Variants in CDH9 observed in about 807,000 individuals in gnomAD.
CDH9 encodes the protein cadherin-9.
In CDH9, 28 loss-of-function variants were observed where a neutral mutation model predicts 70.9. The observed-to-expected ratio is 0.40, with a 90% CI of 0.29 to 0.54. The LOEUF is 0.54. CDH9 is among the 20% of genes least tolerant of loss of function. The pLI, the probability that CDH9 is intolerant of heterozygous loss-of-function variation, is 0.59. For synonymous variants in CDH9, 409 were observed against 343.1 expected, an observed-to-expected ratio of 1.19 and a Z score of -2.12; for missense variants, 874 against 984.4, an observed-to-expected ratio of 0.89 and a Z score of 1.50.
At chr5:27,021,290 G>T (rs569157097) in intron 1 of CDH9, among the ~76,000 whole-genome samples, 1 of 151,756 alleles carries the variant, frequency 6.6e-6, no homozygotes, top group African/African-American at 2.4e-5. Context: ...GTTTGACGTT[G>T]ACTTATTAAT....
At chr5:26,951,709 TTAAG>T (rs1323162112) in intron 2 of CDH9, among the ~76,000 whole-genome samples, 3 of 152,146 alleles carry the variant, frequency 2.0e-5, no homozygotes, top group African/African-American at 7.2e-5. Flanking sequence ...CTTGAAATCA[TTAAG>T]TAAGTTTTAT....
intron 11 of CDH9, among the ~76,000 whole-genome samples, chr5:26,885,338 T>C (rs927868639): frequency 1.3e-5 from 2 of 152,148 alleles, no homozygotes. Flanking sequence ...ACAGTGAACA[T>C]AGTCAAAAAT....
intron 1 of CDH9, among the ~76,000 whole-genome samples, chr5:27,032,819 G>A (rs1187102657): frequency 1.3e-5 from 2 of 150,160 alleles, no homozygotes; most frequent in Admixed American, 6.7e-5. Flanking sequence ...TGACTCTCGG[G>A]GAAAATAGTC....
At chr5:26,889,023 A>T (rs1226859415) in intron 9 of CDH9, among the ~76,000 whole-genome samples, 1 of 152,166 alleles carries the variant, frequency 6.6e-6, no homozygotes, top group African/African-American at 2.4e-5. Context: ...TTGAATTTGG[A>T]GGAGGGCTAC....
At chr5:26,926,928 C>CAAAAAAAAAAAAAAAAAAAAAAA (rs750868451) in intron 2 of CDH9, among the ~76,000 whole-genome samples, 1 of 128,254 alleles carries the variant, frequency 7.8e-6, no homozygotes, top group Non-Finnish European at 1.7e-5. Context: ...CCCCCCCCCG[C>CAAAAAAAAAAAAAAAAAAAAAAA]AAAAAAAAAA....
chr5:26,987,257 ATTGT>A (rs540964535), intron 2 of CDH9, among the ~76,000 whole-genome samples: 6 of 151,944 alleles, frequency 3.9e-5, no homozygotes, highest in Non-Finnish European at 8.8e-5. Flanking sequence ...AGTATTTAAA[ATTGT>A]TCGTTTTGTT....
chr5:27,035,711 GGTGTGT>G (rs1561048690), intron 1 of CDH9, among the ~76,000 whole-genome samples: 1 of 138,856 alleles, frequency 7.2e-6, no homozygotes, highest in African/African-American at 2.7e-5. Flanking sequence ...TGTGTGTGTG[GGTGTGT>G]GTGGGTGTGT....
chr5:27,036,231 G>T (rs908083307), intron 1 of CDH9, among the ~76,000 whole-genome samples: 5 of 151,924 alleles, frequency 3.3e-5, no homozygotes, highest in African/African-American at 1.2e-4. Context: ...CTTACTTGGT[G>T]AATGTACCAT....
intron 2 of CDH9, among the ~76,000 whole-genome samples, chr5:26,926,665 G>A (rs1741345588): frequency 6.6e-6 from 1 of 152,012 alleles, no homozygotes; most frequent in Non-Finnish European, 1.5e-5. Flanking sequence ...GGACAAAGCT[G>A]GAGGCATCAT....
rs1741053267 is a variant in CDH9, at chr5:26,911,491, A to C, written c.523+4139T>G. On this transcript the variant is annotated intron_variant, in intron 3 of 11. Coordinates refer to ENST00000231021, the MANE Select transcript of CDH9 (RefSeq NM_016279.4). ...AAAGGGATTCCTGGTTGGGGGTCAA[A>C]GTGTTAGGAAGAGGACTGGATAGGT... 2.0e-5 allele frequency among the ~76,000 whole-genome samples: 3 copies of C among 152,236 alleles called. No homozygotes were observed. In the South Asian group the frequency reaches 6.2e-4, roughly 32 times the overall value.
intron 2 of CDH9, among the ~76,000 whole-genome samples, chr5:26,953,124 C>A (rs1017674445): frequency 5.7e-4 from 86 of 152,118 alleles, no homozygotes; most frequent in African/African-American, 2.0e-3. Flanking sequence ...ACATTTTTCT[C>A]TATCTTGTAT....
intron 7 of CDH9, among the ~76,000 whole-genome samples, chr5:26,901,390 G>T (rs553195811): frequency 1.3e-5 from 2 of 151,706 alleles, no homozygotes; most frequent in Admixed American, 6.6e-5. Context: ...AATTACAAAG[G>T]TTAACATGTT....
intron 2 of CDH9, among the ~76,000 whole-genome samples, chr5:26,936,859 A>ACACG (rs1396764507): frequency 8.5e-6 from 1 of 117,160 alleles, no homozygotes; most frequent in African/African-American, 2.8e-5. Context: ...TCACACACAC[A>ACACG]CACGCACACA....
intron 1 of CDH9, among the ~76,000 whole-genome samples, chr5:27,037,086 G>A (rs897867639): frequency 7.2e-5 from 11 of 151,996 alleles, no homozygotes; most frequent in African/African-American, 2.7e-4. Context: ...TCTGCAGAAT[G>A]TAGGAGGAGG....
Position 26,915,699 on chromosome 5 carries a change from T to G in CDH9, c.454A>C (p.Ile152Leu). 2 of 1,610,994 alleles carry G rather than the reference T, an allele frequency of 1.2e-6. No homozygotes were observed. Among genetic ancestry groups the G allele is most frequent in the Non-Finnish European group, 8.5e-7 (1 of 1,177,192 alleles). The change falls in exon 3 of 12, where the codon ATC (isoleucine) becomes CTC (leucine). Residue 152 changes from isoleucine to leucine, a missense_variant. Transcript: ENST00000231021. ...ESEFIIKIHD[I>L]NDNEPKFTKD... ...GTAAATTTTGGCTCATTGTCATTGA[T>G]ATCATGTATTTTAATGATAAATTCC...
At chr5:27,006,023 T>G (rs914434394) in intron 1 of CDH9, among the ~76,000 whole-genome samples, 1 of 151,482 alleles carries the variant, frequency 6.6e-6, no homozygotes, top group Non-Finnish European at 1.5e-5. Flanking sequence ...TACTTGGAGG[T>G]GGAGGCTGGA....
chr5:26,881,445 T>A lies in CDH9; in HGVS notation c.2061A>T (p.Lys687Asn). 1 of 1,613,680 alleles carries A rather than the reference T, an allele frequency of 6.2e-7. No homozygotes were observed. Among genetic ancestry groups the A allele is most frequent in the South Asian group, 1.1e-5 (1 of 91,066 alleles). The change falls in exon 12 of 12, where the codon AAA becomes AAT. Residue 687 changes from lysine (K) to asparagine (N), a missense_variant. By Grantham distance (94) the Lys-to-Asn change is moderately conservative (BLOSUM62 0). Coordinates refer to ENST00000231021, the MANE Select transcript of CDH9 (RefSeq NM_016279.4). ...LRNPEAREDS[K>N]LRRDVMPETI... ...TTTCAGGCATTACATCCCGTCTAAG[T>A]TTACTGTCTTCTCTTGCCTCTGGAT...
intron 7 of CDH9, among the ~76,000 whole-genome samples, chr5:26,901,727 A>G (rs1579672052): frequency 1.3e-5 from 2 of 151,838 alleles, no homozygotes; most frequent in Admixed American, 1.3e-4. Flanking sequence ...TAATCTATAT[A>G]TGCCCCAACT....
intron 1 of CDH9, among the ~76,000 whole-genome samples, chr5:27,014,731 A>T (rs1427053300): frequency 6.6e-6 from 1 of 152,010 alleles, no homozygotes; most frequent in Non-Finnish European, 1.5e-5. Flanking sequence ...AACTATGTAT[A>T]CTACCAGTTC....
Sources: allele counts gnomAD v4.1 joint callset (sites outside exome capture counted in the v4.1 genomes callset), GRCh38; gene constraint gnomAD v4.1.1; transcripts MANE v1.5; gene names NCBI Gene and HGNC (gene_info 2026-07-23, HGNC 2026-07-21).